The following SIK3 variants were observed in gnomAD, a reference collection of about 807,000 sequenced individuals.
The protein encoded by SIK3 is SIK family kinase 3.
SIK3 carries 28 observed loss-of-function variants against 144.2 expected under a neutral mutation model. The ratio of observed to expected loss-of-function variants is 0.19; its 90% CI spans 0.14 to 0.27. SIK3 has a LOEUF of 0.27. Among genes scored for constraint, SIK3 ranks in the 10% least tolerant of loss-of-function variants. The pLI, the probability that SIK3 is intolerant of heterozygous loss-of-function variation, is 1.00. For missense variants in SIK3, 1,319 were observed against 1,776.0 expected (o/e 0.74, Z 4.62); for synonymous variants, 686 against 676.3 (o/e 1.01, Z -0.22).
chr11:116,960,304 T>C (rs1949293792), intron 1 of SIK3, among the ~76,000 whole-genome samples: 1 of 152,044 alleles, frequency 6.6e-6, no homozygotes, highest in African/African-American at 2.4e-5. Flanking sequence ...GGCAGGCGGA[T>C]GGCTTGAGGC....
intron 1 of SIK3, among the ~76,000 whole-genome samples, chr11:116,972,555 T>C (rs183405454): frequency 1.3e-5 from 2 of 152,314 alleles, no homozygotes; most frequent in Non-Finnish European, 1.5e-5. Flanking sequence ...GTTTATTCTT[T>C]TTACTACAAC....
Position 116,849,399 on chromosome 11 carries a change from A to G in SIK3, c.3656-116T>C. The G allele has an allele frequency of 8.2e-7, 1 of 1,225,326 alleles. No homozygotes were observed. The highest frequency in any genetic ancestry group is 1.1e-6 in the Non-Finnish European group (1 of 873,462). 75.9% of individuals were successfully genotyped at this position (1,225,326 alleles called of 1,614,324 possible). On this transcript the variant is annotated intron_variant, in intron 21 of 24. Transcript: ENST00000445177. This position sits in a 1 kb window ranked among gnomAD's most constrained non-coding sequence, Gnocchi z 4.2. The stretch of plus-strand genomic sequence containing the variant: ...GGGCAAGGCTGAGGAGATCATGTAC[A>G]CCAACCGCTGATCCTCAGCCGGCGT...
intron 4 of SIK3, among the ~76,000 whole-genome samples, chr11:116,900,224 T>G (rs1159835041): frequency 2.0e-5 from 3 of 152,184 alleles, no homozygotes; most frequent in Non-Finnish European, 4.4e-5. Context: ...CCTGTGTTAC[T>G]AGAAACACTG....
At chr11:117,067,916 G>A (rs546550339) in intron 1 of SIK3, among the ~76,000 whole-genome samples, 16 of 152,104 alleles carry the variant, frequency 1.1e-4, no homozygotes, top group South Asian at 4.1e-4. Flanking sequence ...CCCGGGAGGC[G>A]GAGGCTGCAG....
chr11:116,987,193 T>TC (rs1466102501), intron 1 of SIK3, among the ~76,000 whole-genome samples: 2 of 152,232 alleles, frequency 1.3e-5, no homozygotes, highest in African/African-American at 4.8e-5. Flanking sequence ...CTCACCAACC[T>TC]CTGCCCTAAC....
intron 1 of SIK3, among the ~76,000 whole-genome samples, chr11:117,083,125 C>A (rs1311473276): frequency 1.3e-5 from 2 of 152,186 alleles, no homozygotes; most frequent in African/African-American, 4.8e-5. Flanking sequence ...AACCTCACTG[C>A]TATACGAGGT....
chr11:116,854,770 T>TA (rs895588823), intron 21 of SIK3, among the ~76,000 whole-genome samples: 3 of 151,954 alleles, frequency 2.0e-5, no homozygotes, highest in African/African-American at 7.3e-5. Flanking sequence ...TTCAGTAAAG[T>TA]AAAAATGTAA....
intron 1 of SIK3, among the ~76,000 whole-genome samples, chr11:117,028,345 C>T (rs771830548): frequency 6.6e-5 from 10 of 152,126 alleles, no homozygotes; most frequent in Non-Finnish European, 1.2e-4. Flanking sequence ...ATGCCAGATG[C>T]TAATCTCAAG....
intron 1 of SIK3, among the ~76,000 whole-genome samples, chr11:116,959,051 T>C (rs552440617): frequency 3.9e-5 from 6 of 152,172 alleles, no homozygotes; most frequent in Non-Finnish European, 7.3e-5. Context: ...TATATCCCCA[T>C]AGCAGAGCTG....
intron 1 of SIK3, among the ~76,000 whole-genome samples, chr11:116,982,301 T>C (rs959332889): frequency 1.3e-5 from 2 of 151,216 alleles, no homozygotes; most frequent in Non-Finnish European, 3.0e-5. Flanking sequence ...GCTTTTTTTT[T>C]TTTTTCAGAC....
At chr11:117,027,815 G>A (rs555818454) in intron 1 of SIK3, among the ~76,000 whole-genome samples, 16 of 152,210 alleles carry the variant, frequency 1.1e-4, no homozygotes, top group South Asian at 6.2e-4. Flanking sequence ...CATCTTCAGC[G>A]TCTGAGCAAG....
chr11:116,969,978 T>C (rs1949709972), intron 1 of SIK3, among the ~76,000 whole-genome samples: 1 of 152,148 alleles, frequency 6.6e-6, no homozygotes, highest in Non-Finnish European at 1.5e-5. Context: ...TTACATGACT[T>C]GAAAGCAGAG....
intron 1 of SIK3, among the ~76,000 whole-genome samples, chr11:117,024,639 C>T (rs143791312): frequency 0.011 from 1,637 of 152,268 alleles, 21 homozygotes; most frequent in East Asian, 0.058. Flanking sequence ...GTAGCTCACA[C>T]CTGTAATCCC....
intron 16 of SIK3, among the ~76,000 whole-genome samples, chr11:116,863,012 T>C (rs476399): frequency 0.46 from 69,286 of 150,786 alleles, 18,744 homozygotes; most frequent in Non-Finnish European, 0.63. Context: ...AGGCGGACGA[T>C]GCAGTGAGCT....
intron 1 of SIK3, among the ~76,000 whole-genome samples, chr11:116,988,310 C>T (rs949334656): frequency 6.6e-6 from 1 of 151,736 alleles, no homozygotes; most frequent in African/African-American, 2.4e-5. Context: ...GGCGTGAACC[C>T]GGGAGGCGGA....
intron 1 of SIK3, among the ~76,000 whole-genome samples, chr11:117,034,558 A>G (rs1022792380): frequency 1.3e-5 from 2 of 152,218 alleles, no homozygotes; most frequent in African/African-American, 4.8e-5. Context: ...GGTGGTTAAG[A>G]AAAGAGTAAC....
intron 1 of SIK3, among the ~76,000 whole-genome samples, chr11:116,978,050 C>G (rs1241072684): frequency 1.3e-5 from 2 of 152,076 alleles, no homozygotes; most frequent in African/African-American, 4.8e-5. Context: ...AACCCCATCT[C>G]TACTAAAATT....
At chr11:117,034,073 A>C (rs901311697) in intron 1 of SIK3, among the ~76,000 whole-genome samples, 1 of 152,216 alleles carries the variant, frequency 6.6e-6, no homozygotes, top group Non-Finnish European at 1.5e-5. Context: ...AGAAAAAAAC[A>C]GTAAGCACAA....
chr11:117,057,705 C>CG (rs1407926544), intron 1 of SIK3, among the ~76,000 whole-genome samples: 1 of 152,154 alleles, frequency 6.6e-6, no homozygotes, highest in Admixed American at 6.6e-5. Context: ...GGGGTCTGCC[C>CG]GGGTTCAAAT....
Sources: gnomAD v4.1 joint callset for allele counts (sites outside exome capture counted in the v4.1 genomes callset) on GRCh38, gnomAD v4.1.1 for gene constraint, Gnocchi (gnomAD v3.1) non-coding constraint, MANE v1.5 for transcripts, NCBI Gene and HGNC (gene_info 2026-07-23, HGNC 2026-07-21) for gene names.